Variants in DUS2 observed in about 807,000 individuals in gnomAD.
The protein encoded by DUS2 is tRNA-dihydrouridine(20) synthase [NAD(P)+]-like.
DUS2 carries 52 observed loss-of-function variants against 71.3 expected under a neutral mutation model. That is an observed-to-expected ratio of 0.73 (90% CI 0.58 to 0.92). The LOEUF is 0.92. Ranked by LOEUF, DUS2 falls within the 40% of genes least tolerant of loss-of-function variation. DUS2 has a pLI of 0.00. For synonymous variants in DUS2, 204 were observed against 227.8 expected (o/e 0.90, Z 0.94); for missense variants, 558 against 622.6 (o/e 0.90, Z 1.10).
chr16:68,053,630 A>G lies in DUS2; in HGVS notation c.239A>G (p.Glu80Gly). Residue 80 changes from glutamate (E) to glycine (G), a missense_variant, in exon 5 of 17, where the codon GAG (glutamate) becomes GGG (glycine). By Grantham distance (98) the Glu-to-Gly change is moderately conservative. Transcript: ENST00000565263. ...DRVVFRTCER[E>G]QNRVVFQMGT... ...GTTGTCTTCCGCACCTGTGAAAGAG[A>G]GCAGAACAGGGTGGTCTTCCAGATG... 6.2e-7 allele frequency: 1 copy of G among 1,614,132 alleles called. No individual in the cohort carries two copies. The highest frequency in any genetic ancestry group is 2.2e-5 in the East Asian group (1 of 44,874).
intron 12 of DUS2, 89 bp from the exon 13 acceptor site, chr16:68,073,945 G>A (rs1469973094): frequency 1.3e-6 from 2 of 1,542,508 alleles, no homozygotes; most frequent in Non-Finnish European, 1.8e-6. Flanking sequence ...CATCTCTGGT[G>A]CCTTCTTGGA....
At chr16:68,053,994 A>G (rs1414859408) in intron 5 of DUS2, 2 of 237,310 alleles carry the variant, frequency 8.4e-6, no homozygotes, top group Non-Finnish European at 1.7e-5. Context: ...TAGTGTGTAT[A>G]TATTTCTCAT....
intron 8 of DUS2, among the ~76,000 whole-genome samples, chr16:68,063,317 G>A (rs1011554191): frequency 5.9e-5 from 9 of 152,202 alleles, no homozygotes; most frequent in African/African-American, 2.2e-4. Context: ...TTGGCAAGCT[G>A]GGTGACCTGG....
intron 2 of DUS2, among the ~76,000 whole-genome samples, chr16:68,033,634 A>ATTT (rs548683357): frequency 2.6e-4 from 32 of 125,326 alleles, no homozygotes; most frequent in African/African-American, 6.6e-4. Context: ...ACAGGTGCTA[A>ATTT]TTTTTTTTTT....
intron 15 of DUS2, chr16:68,077,527 CAGGTGGGTA>C (rs2034175301): frequency 6.6e-6 from 1 of 152,110 alleles, no homozygotes; most frequent in Admixed American, 6.5e-5. Context: ...GCTGGGATTA[CAGGTGGGTA>C]CCACCACACC....
chr16:68,035,740 A>C (rs1172298610), intron 2 of DUS2, among the ~76,000 whole-genome samples: 1 of 139,554 alleles, frequency 7.2e-6, no homozygotes. Context: ...TTTTTGAGAC[A>C]TTTACCCTCT....
chr16:68,069,155 G>A (rs1222030470), intron 10 of DUS2, among the ~76,000 whole-genome samples: 1 of 152,028 alleles, frequency 6.6e-6, no homozygotes, highest in Non-Finnish European at 1.5e-5. Context: ...TTAGGAGGCC[G>A]AGGCGGGTGG....
In DUS2 at chr16:68,074,169, T is replaced by A; in HGVS notation, c.932+14T>A. ...CCGGGAAATTTGGTAAGAGGCACAA[T>A]AAGATGTCCATCTGTCCTTGTACGC... is the stretch of plus-strand genomic sequence containing the variant. On this transcript the variant is annotated intron_variant, in intron 13 of 16. Transcript: ENST00000565263. 6.2e-7 allele frequency: 1 copy of A among 1,613,856 alleles called. No individual in the cohort carries two copies. Among genetic ancestry groups the A allele is most frequent in the Non-Finnish European group, 8.5e-7 (1 of 1,179,830 alleles).
At chr16:68,070,303 T>G (rs1043364000) in intron 11 of DUS2, 83 bp downstream of exon 11, 2 of 1,384,836 alleles carry the variant, frequency 1.4e-6, no homozygotes, top group African/African-American at 2.9e-5. Flanking sequence ...TTCCCTAGAG[T>G]GAAAAGTTTT....
intron 3 of DUS2, among the ~76,000 whole-genome samples, chr16:68,040,234 G>A (rs1375194399): frequency 1.3e-5 from 2 of 151,968 alleles, no homozygotes; most frequent in Non-Finnish European, 2.9e-5. Flanking sequence ...ACAGGTGCCC[G>A]CCTCCATGTC....
chr16:68,072,347 G>A (rs2151425847), intron 12 of DUS2, among the ~76,000 whole-genome samples: 1 of 152,328 alleles, frequency 6.6e-6, no homozygotes, highest in East Asian at 1.9e-4. Context: ...GGGAGGGCTT[G>A]CCCCAGCCCA....
chr16:68,068,582 CTCTT>C (rs1161718151), intron 10 of DUS2, among the ~76,000 whole-genome samples: 2 of 127,046 alleles, frequency 1.6e-5, no homozygotes, highest in African/African-American at 5.9e-5. Flanking sequence ...TTCTTTCTCT[CTCTT>C]TTTTTTTTTT....
intron 6 of DUS2, 45 bp downstream of exon 6, chr16:68,054,662 G>A (rs1209997685): frequency 3.7e-6 from 6 of 1,610,248 alleles, no homozygotes; most frequent in Non-Finnish European, 5.1e-6. Context: ...CCTCTCCTTT[G>A]AGCTGTGAGG....
chr16:68,056,499 G>A, intron 7 of DUS2, 75 bp downstream of exon 7: 3 of 1,231,520 alleles, frequency 2.4e-6, no homozygotes, highest in Non-Finnish European at 3.6e-6. Context: ...ACTAAGTATA[G>A]TACCTAACTC....
chr16:68,076,525 C>T (rs1477121849), intron 14 of DUS2, 107 bp from the exon 15 acceptor site: 8 of 787,134 alleles, frequency 1.0e-5, no homozygotes, highest in Admixed American at 9.0e-5. Context: ...CTCGGTGTCT[C>T]AGTTCCTCTC....
At position 68,071,115 on chromosome 16, in the gene DUS2, C is replaced by T; in HGVS notation, c.810+7C>T. 1.2e-6 allele frequency: 2 copies of T among 1,613,320 alleles called. No homozygotes were observed. ...GCAGAAATACATCAGATACGTACGT[C>T]TCTGTACTTTTTCAAAACAAGCATT... On this transcript the variant is annotated splice_region_variant and intron_variant, in intron 12 of 16. Transcript: ENST00000565263.
At chr16:68,063,492 A>G (rs547095329) in intron 8 of DUS2, among the ~76,000 whole-genome samples, 6 of 152,366 alleles carry the variant, frequency 3.9e-5, no homozygotes, top group Non-Finnish European at 2.9e-5. Context: ...TTGTGAATGT[A>G]ATTAATGCCA....
chr16:68,066,997 G>A (rs537863214), intron 10 of DUS2, among the ~76,000 whole-genome samples: 1 of 149,958 alleles, frequency 6.7e-6, no homozygotes, highest in East Asian at 2.0e-4. Flanking sequence ...TGACCCTCAT[G>A]AGAAAAATCT....
At chr16:68,030,310 G>A (rs138235924) in intron 2 of DUS2, among the ~76,000 whole-genome samples, 1 of 151,886 alleles carries the variant, frequency 6.6e-6, no homozygotes, top group Non-Finnish European at 1.5e-5. Context: ...AACCCCACCG[G>A]AGGCCAGGAG....
Sources: gnomAD v4.1 joint callset for allele counts (sites outside exome capture counted in the v4.1 genomes callset) on GRCh38, gnomAD v4.1.1 for gene constraint, MANE v1.5 for transcripts, NCBI Gene and HGNC (gene_info 2026-07-23, HGNC 2026-07-21) for gene names.